The following RFC5 variants were observed in gnomAD, a reference collection of about 807,000 sequenced individuals.
The protein encoded by RFC5 is A1 36 kDa subunit.
In RFC5, 26 loss-of-function variants were observed where a neutral mutation model predicts 44.3. That is an observed-to-expected ratio of 0.59 (90% CI 0.43 to 0.81). RFC5 has a LOEUF of 0.81. Ranked by LOEUF, RFC5 falls within the 40% of genes least tolerant of loss-of-function variation. RFC5 has a pLI of 0.00. For synonymous variants in RFC5, 155 were observed against 155.2 expected, an observed-to-expected ratio of 1.00 and a Z score of 0.01; for missense variants, 328 against 418.6, an observed-to-expected ratio of 0.78 and a Z score of 1.89.
downstream of RFC5, chr12:118,037,942 T>G: frequency 5.3e-6 from 1 of 188,102 alleles, no homozygotes; most frequent in Admixed American, 5.7e-5. Context: ...ATTAGAGGGA[T>G]TCAAATTTGA....
downstream of RFC5, among the ~76,000 whole-genome samples, chr12:118,037,016 T>C (rs1279869811): frequency 6.6e-6 from 1 of 152,070 alleles, no homozygotes; most frequent in African/African-American, 2.4e-5. Flanking sequence ...ACCCCATCTC[T>C]ACTGAAAATA....
rs1276081496 is a variant in RFC5, at chr12:118,031,573, T to C, written c.*295T>C. On this transcript the variant is annotated 3_prime_UTR_variant, in exon 11 of 11. Coordinates refer to ENST00000454402, the MANE Select transcript of RFC5 (RefSeq NM_007370.7). Reference sequence around the variant, plus strand: ...TATAAGGTTTTTACCTTTTAGTTGCTTGGATGACAGGGAATTAGCCTACCC... The same window carrying C: ...TATAAGGTTTTTACCTTTTAGTTGCCTGGATGACAGGGAATTAGCCTACCC... The C allele has an allele frequency of 5.4e-6, 1 of 185,568 alleles. No individual in the cohort carries two copies. Among genetic ancestry groups the C allele is most frequent in the Admixed American group, 6.1e-5 (1 of 16,362 alleles). 11.5% of individuals were successfully genotyped at this position (185,568 alleles called of 1,614,324 possible). A position where few individuals can be genotyped will look rare whatever the true frequency, so the allele number is the denominator to read the frequency against.
At chr12:118,023,453 G>GGGGGAGGAGGAGGGGGGAAGTGGAGGAA (rs2030685427) in intron 5 of RFC5, among the ~76,000 whole-genome samples, 1 of 69,312 alleles carries the variant, frequency 1.4e-5, no homozygotes, top group Non-Finnish European at 2.6e-5. Context: ...AGGAGGAGGA[G>GGGGGAGGAGGAGGGGGGAAGTGGAGGAA]GGGGAGGAGA....
downstream of RFC5, chr12:118,034,316 G>A (rs1476005442): frequency 6.2e-7 from 1 of 1,614,216 alleles, no homozygotes; most frequent in South Asian, 1.1e-5. Flanking sequence ...GTGAGGACAG[G>A]ACCCTAGGAG....
At chr12:118,034,419 T>A, downstream of RFC5, 1 of 1,581,236 alleles carries the variant, frequency 6.3e-7, no homozygotes, top group South Asian at 1.1e-5. Flanking sequence ...TTCATGAGGA[T>A]GAATACTCAT....
At position 118,019,522 on chromosome 12, in the gene RFC5, G is replaced by A; in HGVS notation, c.131-110G>A. 8.1e-7 allele frequency: 1 copy of A among 1,241,538 alleles called. No individual in the cohort carries two copies. Among genetic ancestry groups the A allele is most frequent in the Admixed American group, 2.1e-5 (1 of 47,292 alleles). The allele number at this position is 1,241,538 out of a possible 1,614,324, so 76.9% of individuals were successfully genotyped here. A position where few individuals can be genotyped will look rare whatever the true frequency, so the allele number is the denominator to read the frequency against. On this transcript the variant is annotated intron_variant, in intron 2 of 10. Transcript: ENST00000454402. The surrounding 1 kb of genome is among the most constrained non-coding windows in gnomAD (Gnocchi z 4.2). ...CCTACATCAAGTTGTATCTGCCTCT[G>A]ATTTGGACATTGAATTGGGTTGAAG...
In RFC5 at chr12:118,021,009, G is replaced by A. The variant is rs144220409; in HGVS notation, c.347+24G>A. The A allele has an allele frequency of 5.2e-4, 762 of 1,467,094 alleles. 4 individuals carry two copies. In the African/African-American group the frequency reaches 9.3e-3, roughly 18 times the overall value. The allele number at this position is 1,467,094 out of a possible 1,614,324, so 90.9% of individuals were successfully genotyped here. The stretch of plus-strand genomic sequence containing the variant: ...AAGTAAGAATTATTTGTGTAATTTC[G>A]CTCCCTTGATTTTGATTAGTAAGAT... On this transcript the variant is annotated intron_variant, in intron 4 of 10. Coordinates refer to ENST00000454402, the MANE Select transcript of RFC5 (RefSeq NM_007370.7).
In RFC5 at chr12:118,027,047, C is replaced by T. The variant is rs762246859; in HGVS notation, c.793+29C>T. On this transcript the variant is annotated intron_variant, in intron 8 of 10. Coordinates refer to ENST00000454402, the MANE Select transcript of RFC5 (RefSeq NM_007370.7). ...TCCTTTCTCATGACCTCCTGGCCACCGAGACCTGAAGGTGGCCCCAGGAGT... is the reference window on the plus strand; with the variant it reads ...TCCTTTCTCATGACCTCCTGGCCACTGAGACCTGAAGGTGGCCCCAGGAGT... 11 of 1,601,470 alleles carry T rather than the reference C, an allele frequency of 6.9e-6. No homozygotes were observed. The East Asian group carries it at 1.3e-4, about 19-fold the overall frequency.
rs539140365 is a variant in RFC5, at chr12:118,023,944, C to T, written c.422-907C>T. Among the ~76,000 whole-genome samples the T allele has an allele frequency of 7.9e-5, 12 of 152,186 alleles. No individual in the cohort carries two copies. The South Asian group carries it at 2.3e-3, about 29-fold the overall frequency. On this transcript the variant is annotated intron_variant, in intron 5 of 10. Coordinates refer to ENST00000454402, the MANE Select transcript of RFC5 (RefSeq NM_007370.7). ...GAAAGAGGGGTGGCTAGGCAGGGCG[C>T]AGTGGCTCACACCTGTAATCCCAGT...
intron 5 of RFC5, among the ~76,000 whole-genome samples, chr12:118,024,004 G>A (rs2137713847): frequency 6.6e-6 from 1 of 151,950 alleles, no homozygotes; most frequent in African/African-American, 2.4e-5. Flanking sequence ...ATCACCTGAG[G>A]TCAGGAGTTC....
chr12:118,021,184 T>C (rs1239275567), intron 4 of RFC5, among the ~76,000 whole-genome samples, 199 bp downstream of exon 4: 1 of 152,120 alleles, frequency 6.6e-6, no homozygotes, highest in East Asian at 1.9e-4. Context: ...TAAAATGTTA[T>C]CTACGCTTGT....
the RFC5 span, among the ~76,000 whole-genome samples, chr12:118,041,284 A>G: frequency 2.0e-5 from 3 of 152,170 alleles, no homozygotes; most frequent in African/African-American, 7.2e-5. Context: ...CCTTAGAAGA[A>G]GAGACATGAA....
downstream of RFC5, chr12:118,032,897 A>G (rs1369550536): frequency 6.6e-6 from 1 of 152,006 alleles, no homozygotes; most frequent in African/African-American, 2.4e-5. Context: ...AATGAAACAG[A>G]GAGCCAAAAG....
chr12:118,026,887 A>T lies in RFC5; in HGVS notation c.664-2A>T. 1 of 1,613,892 alleles carries T rather than the reference A, an allele frequency of 6.2e-7. No homozygotes were observed. Among genetic ancestry groups the T allele is most frequent in the Non-Finnish European group, 8.5e-7 (1 of 1,179,938 alleles). On this transcript the variant is annotated splice_acceptor_variant, in intron 7 of 10. Transcript: ENST00000454402. LOFTEE classifies it high-confidence loss of function. ...CTCCCCTTTCCCCCTCTGTCTACAC[A>T]GAGCACCAATATGGCCTTTGGGAAG...
intron 5 of RFC5, among the ~76,000 whole-genome samples, chr12:118,022,611 T>G (rs564087539): frequency 7.9e-5 from 12 of 151,986 alleles, no homozygotes; most frequent in Non-Finnish European, 1.3e-4. Flanking sequence ...ATTACAGGCA[T>G]GCACCACCAC....
Position 118,027,892 on chromosome 12 carries a change from A to G in RFC5, c.794-61A>G, listed in dbSNP as rs565123264. ...AAGTCTCTTGCCCGGGTTTGGATTCAAAATTCTCTGCAGTATGTTTGTTCT... is the reference window on the plus strand; with the variant it reads ...AAGTCTCTTGCCCGGGTTTGGATTCGAAATTCTCTGCAGTATGTTTGTTCT... On this transcript the variant is annotated intron_variant, in intron 8 of 10. Transcript: ENST00000454402. 1.3e-5 allele frequency: 14 copies of G among 1,056,746 alleles called. No homozygotes were observed. The East Asian group carries it at 2.4e-4, about 18-fold the overall frequency. The allele number at this position is 1,056,746 out of a possible 1,614,324, so 65.5% of individuals were successfully genotyped here.
chr12:118,034,583 G>GTCTCTCTCTCTCTCTCTCTCTCTCTCTC (rs10624358), downstream of RFC5: 2 of 538,150 alleles, frequency 3.7e-6, no homozygotes, highest in Non-Finnish European at 6.4e-6. Context: ...CGCTCTCTCT[G>GTCTCTCTCTCTCTCTCTCTCTCTCTCTC]TCTCTCTCTC....
intron 9 of RFC5, among the ~76,000 whole-genome samples, chr12:118,028,490 A>C (rs530195479): frequency 1.3e-5 from 2 of 151,248 alleles, no homozygotes; most frequent in East Asian, 3.9e-4. Flanking sequence ...TCTCAAAAAA[A>C]AAAACAAAAC....
intron 3 of RFC5, 48 bp from the exon 4 acceptor site, chr12:118,020,858 T>C: frequency 8.0e-7 from 1 of 1,247,118 alleles, no homozygotes; most frequent in Non-Finnish European, 1.2e-6. Flanking sequence ...AACTCACAGA[T>C]AGCACAGCAA....
Sources: allele counts gnomAD v4.1 joint callset (sites outside exome capture counted in the v4.1 genomes callset), GRCh38; gene constraint gnomAD v4.1.1; non-coding constraint Gnocchi (gnomAD v3.1); transcripts MANE v1.5; gene names NCBI Gene and HGNC (gene_info 2026-07-23, HGNC 2026-07-21).